The following PPP4R2 variants were observed in gnomAD, a reference collection of about 807,000 sequenced individuals.
The protein encoded by PPP4R2 is serine/threonine-protein phosphatase 4 regulatory subunit 2.
A neutral mutation model predicts 47.2 loss-of-function variants in PPP4R2; 13 were observed. That is an observed-to-expected ratio of 0.28 (90% CI 0.18 to 0.44). The LOEUF is 0.44. Ranked by LOEUF, PPP4R2 falls within the 20% of genes least tolerant of loss-of-function variation. PPP4R2 has a pLI of 1.00. For missense variants in PPP4R2, 421 were observed against 491.2 expected (o/e 0.86, Z 1.35); for synonymous variants, 151 against 163.3 (o/e 0.92, Z 0.57).
intron 3 of PPP4R2, among the ~76,000 whole-genome samples, chr3:73,049,934 GT>G (rs1702574686): frequency 6.6e-6 from 1 of 151,804 alleles, no homozygotes; most frequent in Non-Finnish European, 1.5e-5. Flanking sequence ...TTGAAATTTT[GT>G]TTTGTTTTGT....
chr3:73,051,882 C>T (rs1206359810), intron 3 of PPP4R2, among the ~76,000 whole-genome samples: 1 of 152,186 alleles, frequency 6.6e-6, no homozygotes, highest in Non-Finnish European at 1.5e-5. Flanking sequence ...ACCTCGGCCT[C>T]CCAAAGTGCT....
rs1416428506 is a variant in PPP4R2, at chr3:73,064,161, T to C, written c.638+15T>C. On this transcript the variant is annotated intron_variant, in intron 7 of 8. Coordinates refer to ENST00000356692, the MANE Select transcript of PPP4R2 (RefSeq NM_174907.4). Reference sequence around the variant, plus strand: ...AAAAATCACAGGTTTGTATGTTTTATATTTAAAAACAGTGTTTTTATTAAA... The same window carrying C: ...AAAAATCACAGGTTTGTATGTTTTACATTTAAAAACAGTGTTTTTATTAAA... The C allele has an allele frequency of 1.3e-6, 2 of 1,591,480 alleles. No individual in the cohort carries two copies. The highest frequency in any genetic ancestry group is 1.7e-6 in the Non-Finnish European group (2 of 1,170,926).
chr3:73,061,269 A>G (rs187033558), intron 5 of PPP4R2: 52 of 276,350 alleles, frequency 1.9e-4, no homozygotes, highest in African/African-American at 9.9e-4. Flanking sequence ...ATTTGGATTA[A>G]AGAGATTGGT....
intron 2 of PPP4R2, among the ~76,000 whole-genome samples, chr3:73,035,367 T>A (rs983959753): frequency 6.6e-6 from 1 of 151,962 alleles, no homozygotes; most frequent in Non-Finnish European, 1.5e-5. Context: ...ATCACTGCAC[T>A]CCAGCCTGGG....
chr3:73,065,878 T>G lies in PPP4R2; in HGVS notation c.*156T>G, dbSNP rs546607956. ...ATAATTCCTGAAAGAGTTGTACATG[T>G]AAGAACTGTGAATATCAGCTCCTCT... On this transcript the variant is annotated 3_prime_UTR_variant, in exon 9 of 9. Transcript: ENST00000356692. The G allele has an allele frequency of 2.0e-6, 1 of 508,656 alleles. No individual in the cohort carries two copies. The highest frequency in any genetic ancestry group is 3.7e-5 in the South Asian group (1 of 27,202). 31.5% of individuals were successfully genotyped at this position (508,656 alleles called of 1,614,324 possible). A position where few individuals can be genotyped will look rare whatever the true frequency, so the allele number is the denominator to read the frequency against.
chr3:73,057,191 ATACTG>A lies in PPP4R2; in HGVS notation c.288-1844_288-1840del, dbSNP rs765383772. Among the ~76,000 whole-genome samples, 140 of 152,232 alleles carry A rather than the reference ATACTG, an allele frequency of 9.2e-4. 1 individual carries two copies. Among genetic ancestry groups the A allele is most frequent in the Non-Finnish European group, 1.6e-3 (111 of 67,968 alleles). On this transcript the variant is annotated intron_variant, in intron 3 of 8. Coordinates refer to ENST00000356692, the MANE Select transcript of PPP4R2 (RefSeq NM_174907.4). ...TCACGGACAGACAATTGAGAAACTA[ATACTG>A]TTTGTTATACATGTGGAAAATGCTT...
chr3:73,055,417 C>CGTGTGTGTGTGT (rs10663655), intron 3 of PPP4R2, among the ~76,000 whole-genome samples: 4,257 of 137,344 alleles, frequency 0.031, 110 homozygotes, highest in African/African-American at 0.05. Flanking sequence ...AGTGGGGTAG[C>CGTGTGTGTGTGT]GTGTGTGTGT....
chr3:73,053,574 AT>A (rs1190461205), intron 3 of PPP4R2, among the ~76,000 whole-genome samples: 1 of 152,066 alleles, frequency 6.6e-6, no homozygotes, highest in African/African-American at 2.4e-5. Context: ...TGGTGCAGAC[AT>A]TAGTTTACTT....
intron 2 of PPP4R2, chr3:73,027,659 G>GGTAGGT (rs1553647451): frequency 6.7e-6 from 1 of 149,644 alleles, no homozygotes; most frequent in African/African-American, 2.5e-5. Context: ...GTACTTGTGA[G>GGTAGGT]GTGTGTGTGT....
rs549587461 is a variant in PPP4R2 at position 73,000,127 on chromosome 3, T to C, written c.116+1969T>C. 3.3e-5 allele frequency among the ~76,000 whole-genome samples: 5 copies of C among 152,310 alleles called. No homozygotes were observed. In the East Asian group the frequency reaches 5.8e-4, roughly 18 times the overall value. On this transcript the variant is annotated intron_variant, in intron 2 of 8. Transcript: ENST00000356692. ...TCCACCGGATGTGGTGGCTCATGCCTGTATCTCAGCACTTTGGGAAACAGT... is the reference window on the plus strand; with the variant it reads ...TCCACCGGATGTGGTGGCTCATGCCCGTATCTCAGCACTTTGGGAAACAGT...
At position 73,002,008 on chromosome 3, in the gene PPP4R2, T is replaced by TC. The variant is rs1324529161; in HGVS notation, c.116+3852dup. Among the ~76,000 whole-genome samples the TC allele has an allele frequency of 2.1e-5, 3 of 141,006 alleles. No homozygotes were observed. In the East Asian group the frequency reaches 5.8e-4, roughly 27 times the overall value. 92.5% of individuals were successfully genotyped at this position (141,006 alleles called of 152,430 possible). A position where few individuals can be genotyped will look rare whatever the true frequency, so the allele number is the denominator to read the frequency against. On this transcript the variant is annotated intron_variant, in intron 2 of 8. Transcript: ENST00000356692. The stretch of plus-strand genomic sequence containing the variant: ...TTTTCTCCCCTTTTATCTCTCCTGT[T>TC]CCTTGCTCAGTCTCTAGTAATCATC...
intron 2 of PPP4R2, among the ~76,000 whole-genome samples, chr3:73,003,615 G>A (rs549402632): frequency 2.4e-4 from 37 of 152,168 alleles, no homozygotes; most frequent in Admixed American, 2.2e-3. Flanking sequence ...TCTGTCTCTC[G>A]TCAGTTTGGT....
At chr3:73,018,451 A>AGG (rs1701889618) in intron 2 of PPP4R2, among the ~76,000 whole-genome samples, 2 of 99,588 alleles carry the variant, frequency 2.0e-5, no homozygotes, top group African/African-American at 4.6e-5. Flanking sequence ...ATGTTATGTT[A>AGG]TTTATGTTAT....
At chr3:73,016,196 G>A (rs1280324526) in intron 2 of PPP4R2, 1 of 152,182 alleles carries the variant, frequency 6.6e-6, no homozygotes, top group Non-Finnish European at 1.5e-5. Flanking sequence ...GAAATTATTT[G>A]AAGATGTGTG....
chr3:73,063,475 A>G, intron 5 of PPP4R2, 198 bp from the exon 6 acceptor site: 1 of 477,498 alleles, frequency 2.1e-6, no homozygotes, highest in Non-Finnish European at 3.8e-6. Flanking sequence ...AATAAAAAAA[A>G]TAGCTGCGCA....
intron 2 of PPP4R2, among the ~76,000 whole-genome samples, chr3:73,013,227 A>G (rs1423041961): frequency 6.6e-6 from 1 of 151,794 alleles, no homozygotes; most frequent in African/African-American, 2.4e-5. Flanking sequence ...AAAATATTAG[A>G]TGGTTAGATG....
At chr3:73,033,145 G>A (rs1206404758) in intron 2 of PPP4R2, among the ~76,000 whole-genome samples, 2 of 152,150 alleles carry the variant, frequency 1.3e-5, no homozygotes, top group African/African-American at 4.8e-5. Flanking sequence ...AATGAGAGGA[G>A]GCACAATAAC....
At chr3:73,035,395 G>A (rs1042589877) in intron 2 of PPP4R2, among the ~76,000 whole-genome samples, 1 of 151,958 alleles carries the variant, frequency 6.6e-6, no homozygotes, top group Non-Finnish European at 1.5e-5. Flanking sequence ...GTGAGACCCT[G>A]TCTAAAAAAG....
At chr3:73,041,404 A>T (rs1702376913) in intron 2 of PPP4R2, among the ~76,000 whole-genome samples, 1 of 152,228 alleles carries the variant, frequency 6.6e-6, no homozygotes, top group Non-Finnish European at 1.5e-5. Flanking sequence ...TCTTTCACTT[A>T]TTTAATTCAG....
Sources: allele counts gnomAD v4.1 joint callset (sites outside exome capture counted in the v4.1 genomes callset), GRCh38; gene constraint gnomAD v4.1.1; transcripts MANE v1.5; gene names NCBI Gene and HGNC (gene_info 2026-07-23, HGNC 2026-07-21).